Variants in DGKG observed in about 807,000 individuals in gnomAD.
DGKG encodes DAG kinase gamma.
In DGKG, 78 loss-of-function variants were observed where a neutral mutation model predicts 105.3. That is an observed-to-expected ratio of 0.74 (90% CI 0.62 to 0.89). The LOEUF (loss-of-function observed/expected upper bound fraction) is 0.89, where lower values mean the gene tolerates loss of function less well. Among genes scored for constraint, DGKG ranks in the 40% least tolerant of loss-of-function variants. The pLI is 0.00. For missense variants in DGKG, 958 were observed against 1,020.1 expected, an observed-to-expected ratio of 0.94 and a Z score of 0.83; for synonymous variants, 346 against 367.1, an observed-to-expected ratio of 0.94 and a Z score of 0.66.
At chr3:186,251,432 C>T (rs60883825) in intron 19 of DGKG, among the ~76,000 whole-genome samples, 7,184 of 152,178 alleles carry the variant, frequency 0.047, 549 homozygotes, top group African/African-American at 0.16. Context: ...CCTTGTCCCC[C>T]GGTTATTTCT....
chr3:186,166,409 T>C (rs770546709), intron 22 of DGKG, among the ~76,000 whole-genome samples: 10 of 152,336 alleles, frequency 6.6e-5, no homozygotes, highest in Non-Finnish European at 1.5e-4. Context: ...AAACACTCCA[T>C]CTCATTTGGA....
intron 7 of DGKG, among the ~76,000 whole-genome samples, chr3:186,283,922 C>G (rs1231750733): frequency 6.6e-6 from 1 of 152,208 alleles, no homozygotes; most frequent in African/African-American, 2.4e-5. Flanking sequence ...ATCTCAACCT[C>G]AGGGCCTTCC....
At chr3:186,195,297 C>T (rs13087047) in intron 21 of DGKG, among the ~76,000 whole-genome samples, 1 of 151,424 alleles carries the variant, frequency 6.6e-6, no homozygotes, top group South Asian at 2.1e-4. Flanking sequence ...AAAAACAAAA[C>T]AAAAAAACAA....
At chr3:186,157,173 G>A (rs1041194550) in intron 24 of DGKG, among the ~76,000 whole-genome samples, 2 of 151,960 alleles carry the variant, frequency 1.3e-5, no homozygotes, top group African/African-American at 4.8e-5. Flanking sequence ...TAGGGGAGAA[G>A]CTTTCTGATC....
At chr3:186,150,216 A>T in intron 24 of DGKG, 28 bp from the exon 25 acceptor site, 1 of 1,595,184 alleles carries the variant, frequency 6.3e-7, no homozygotes, top group South Asian at 1.1e-5. Context: ...GAAATGAATT[A>T]GTGGCATGCA....
chr3:186,209,832 G>A (rs938557121), intron 21 of DGKG, among the ~76,000 whole-genome samples: 1 of 152,170 alleles, frequency 6.6e-6, no homozygotes, highest in Non-Finnish European at 1.5e-5. Context: ...TACAGAAATG[G>A]TGCCTGCCCC....
At chr3:186,334,951 A>G (rs1167619217) in intron 1 of DGKG, among the ~76,000 whole-genome samples, 1 of 152,202 alleles carries the variant, frequency 6.6e-6, no homozygotes, top group African/African-American at 2.4e-5. Flanking sequence ...CATTGAAATC[A>G]TTTCACAGGG....
At chr3:186,227,550 T>C (rs1719916413) in intron 20 of DGKG, among the ~76,000 whole-genome samples, 1 of 152,178 alleles carries the variant, frequency 6.6e-6, no homozygotes, top group African/African-American at 2.4e-5. Flanking sequence ...TGTTCAGGGT[T>C]TCTGTGAAAT....
chr3:186,254,213 T>C (rs1721357231), intron 17 of DGKG, among the ~76,000 whole-genome samples: 1 of 152,116 alleles, frequency 6.6e-6, no homozygotes, highest in African/African-American at 2.4e-5. Context: ...GTGAGCAATG[T>C]GATTGCGGCG....
Position 186,149,334 on chromosome 3 carries a change from A to C in DGKG, c.*756T>G, listed in dbSNP as rs1258279187. 6 of 985,318 alleles carry C rather than the reference A, an allele frequency of 6.1e-6. No homozygotes were observed. The highest frequency in any genetic ancestry group is 7.2e-6 in the Non-Finnish European group (6 of 829,948). The allele number at this position is 985,318 out of a possible 1,614,324, so 61.0% of individuals were successfully genotyped here. On this transcript the variant is annotated 3_prime_UTR_variant, in exon 25 of 25. Transcript: ENST00000265022. Reference sequence around the variant, plus strand: ...TCCCTCCCAGGTGTTCACAGAACTAAGAAAATAAATACCACATCTAAGGTG... The same window carrying C: ...TCCCTCCCAGGTGTTCACAGAACTACGAAAATAAATACCACATCTAAGGTG...
chr3:186,303,135 CA>C (rs1328048615), intron 3 of DGKG, among the ~76,000 whole-genome samples: 1 of 152,154 alleles, frequency 6.6e-6, no homozygotes, highest in Non-Finnish European at 1.5e-5. Context: ...CCATGTTCAG[CA>C]GGCAAAGACA....
At chr3:186,273,367 C>CTTTTTTT (rs375667915) in intron 10 of DGKG, among the ~76,000 whole-genome samples, 4 of 85,598 alleles carry the variant, frequency 4.7e-5, no homozygotes, top group Non-Finnish European at 9.2e-5. Flanking sequence ...TGTTGTACCC[C>CTTTTTTT]TTTTTTTTTT....
intron 6 of DGKG, among the ~76,000 whole-genome samples, chr3:186,285,679 C>CTTTCT (rs376289488): frequency 2.3e-5 from 3 of 133,246 alleles, no homozygotes; most frequent in Non-Finnish European, 4.7e-5. Context: ...TTCTTTCTTT[C>CTTTCT]TTTTTTTTTT....
intron 19 of DGKG, among the ~76,000 whole-genome samples, chr3:186,244,778 G>A (rs1560112221): frequency 6.6e-6 from 1 of 152,104 alleles, no homozygotes; most frequent in Admixed American, 6.5e-5. Context: ...GTGCACGGGT[G>A]AGATGTGCGG....
chr3:186,230,247 G>T (rs1193030160), intron 20 of DGKG, among the ~76,000 whole-genome samples: 1 of 152,182 alleles, frequency 6.6e-6, no homozygotes, highest in Admixed American at 6.5e-5. Flanking sequence ...AACAGAGCGA[G>T]ACTCCGTCTC....
intron 3 of DGKG, among the ~76,000 whole-genome samples, chr3:186,298,467 T>C (rs1723706911): frequency 6.6e-6 from 1 of 151,984 alleles, no homozygotes; most frequent in African/African-American, 2.4e-5. Context: ...TATTGGGGCT[T>C]GGTGGGGCAC....
At chr3:186,275,808 A>T (rs1384330391) in intron 9 of DGKG, 144 bp from the exon 10 acceptor site, 1 of 573,354 alleles carries the variant, frequency 1.7e-6, no homozygotes, top group African/African-American at 1.9e-5. Context: ...TACAAATAAA[A>T]ACAAAATTTT....
intron 1 of DGKG, among the ~76,000 whole-genome samples, chr3:186,347,502 G>A: frequency 6.6e-6 from 1 of 150,616 alleles, no homozygotes; most frequent in Non-Finnish European, 1.5e-5. Context: ...ACTTAATGTG[G>A]TATGTTTGAC....
chr3:186,161,075 TATCAG>T lies in DGKG; in HGVS notation c.2277+523_2277+527del, dbSNP rs939809282. 4.1e-6 allele frequency: 4 copies of T among 986,860 alleles called. No individual in the cohort carries two copies. The African/African-American group carries it at 7.0e-5, about 17-fold the overall frequency. 61.1% of individuals were successfully genotyped at this position (986,860 alleles called of 1,614,324 possible). A position where few individuals can be genotyped will look rare whatever the true frequency, so the allele number is the denominator to read the frequency against. ...CATTCAGTGGAATTTTCAAGTAGGT[TATCAG>T]GGCTTTGGGTGCACCGACTGGGAGG... is the stretch of plus-strand genomic sequence containing the variant. On this transcript the variant is annotated intron_variant, in intron 24 of 24. Transcript: ENST00000265022.
Sources: gnomAD v4.1 joint callset for allele counts (sites outside exome capture counted in the v4.1 genomes callset) on GRCh38, gnomAD v4.1.1 for gene constraint, MANE v1.5 for transcripts, NCBI Gene and HGNC (gene_info 2026-07-23, HGNC 2026-07-21) for gene names.